ASCC3: variants seen among roughly 807,000 people sequenced by gnomAD.
The protein encoded by ASCC3 is activating signal cointegrator 1 complex subunit 3.
A neutral mutation model predicts 256.3 loss-of-function variants in ASCC3; 158 were observed. That is an observed-to-expected ratio of 0.62 (90% CI 0.54 to 0.70). The LOEUF is 0.70. Among genes scored for constraint, ASCC3 ranks in the 30% least tolerant of loss-of-function variants. ASCC3 has a pLI of 0.00. For synonymous variants in ASCC3, 948 were observed against 883.4 expected (o/e 1.07, Z -1.30); for missense variants, 2,259 against 2,626.0 (o/e 0.86, Z 3.05).
rs118041507 is a variant in ASCC3 at position 100,682,449 on chromosome 6, C to T, written c.2152-2697G>A. 4.8e-4 allele frequency among the ~76,000 whole-genome samples: 73 copies of T among 152,158 alleles called. 1 individual carries two copies. In the East Asian group the frequency reaches 7.5e-3, roughly 16 times the overall value. On this transcript the variant is annotated intron_variant, in intron 13 of 41. Transcript: ENST00000369162. ...GAAAATAGATAAGCTGTGGTCTCTT[C>T]CATTAAAAACCTGCACAATTTAAGG... is the stretch of plus-strand genomic sequence containing the variant.
intron 36 of ASCC3, among the ~76,000 whole-genome samples, chr6:100,588,423 G>T (rs1312667343): frequency 6.6e-6 from 1 of 152,084 alleles, no homozygotes; most frequent in South Asian, 2.1e-4. Context: ...CTTCCCCAGA[G>T]AAATCCTACT....
chr6:100,768,527 G>A (rs997849468), intron 8 of ASCC3, among the ~76,000 whole-genome samples: 2 of 152,030 alleles, frequency 1.3e-5, no homozygotes, highest in African/African-American at 2.4e-5. Context: ...TAATCAACAC[G>A]ATATAATAGT....
At chr6:100,800,564 T>A in intron 5 of ASCC3, 60 bp from the exon 6 acceptor site, 1 of 1,321,708 alleles carries the variant, frequency 7.6e-7, no homozygotes, top group Non-Finnish European at 1.1e-6. Context: ...TTAACCTTCA[T>A]GAAAACCATT....
chr6:100,852,633 C>T (rs1247903010), intron 3 of ASCC3, among the ~76,000 whole-genome samples: 1 of 152,130 alleles, frequency 6.6e-6, no homozygotes, highest in Non-Finnish European at 1.5e-5. Flanking sequence ...AAAGAGGAAT[C>T]AGGATTTTAA....
intron 4 of ASCC3, among the ~76,000 whole-genome samples, chr6:100,846,774 T>C (rs1168184480): frequency 1.3e-5 from 2 of 152,194 alleles, no homozygotes; most frequent in Non-Finnish European, 2.9e-5. Context: ...TGCATACTTT[T>C]GCTACCATAC....
intron 17 of ASCC3, among the ~76,000 whole-genome samples, chr6:100,654,345 T>C (rs554303530): frequency 4.4e-4 from 66 of 150,746 alleles, no homozygotes; most frequent in Non-Finnish European, 1.3e-4. Flanking sequence ...CGTATAAAGG[T>C]ACTATGTATC....
chr6:100,782,311 AAC>A (rs1582855953), intron 8 of ASCC3, among the ~76,000 whole-genome samples: 1 of 152,210 alleles, frequency 6.6e-6, no homozygotes. Context: ...ATAAGGATAA[AAC>A]AGTTTCATGA....
intron 36 of ASCC3, among the ~76,000 whole-genome samples, chr6:100,545,323 G>A (rs1042673668): frequency 2.6e-5 from 4 of 152,148 alleles, no homozygotes; most frequent in South Asian, 2.1e-4. Flanking sequence ...GACTACAGGC[G>A]TGTGCCAGCA....
chr6:100,649,743 T>C lies in ASCC3; in HGVS notation c.3252+795A>G, dbSNP rs1004495310. On this transcript the variant is annotated intron_variant, in intron 20 of 41. Coordinates refer to ENST00000369162, the MANE Select transcript of ASCC3 (RefSeq NM_006828.4). ...TTCCATATTTAAAATAAAATTAAGC[T>C]TTAATTTCTTCTTAATTTATAAAAG... Among the ~76,000 whole-genome samples, 3 of 151,566 alleles carry C rather than the reference T, an allele frequency of 2.0e-5. No individual in the cohort carries two copies. The East Asian group carries it at 5.8e-4, about 29-fold the overall frequency.
At chr6:100,825,956 C>G (rs886486556) in intron 4 of ASCC3, among the ~76,000 whole-genome samples, 1 of 151,832 alleles carries the variant, frequency 6.6e-6, no homozygotes, top group African/African-American at 2.4e-5. Flanking sequence ...TTGATCAGCA[C>G]AGATCACAAA....
intron 29 of ASCC3, 105 bp downstream of exon 29, chr6:100,627,485 G>T: frequency 1.4e-6 from 2 of 1,426,890 alleles, no homozygotes; most frequent in Non-Finnish European, 2.0e-6. Context: ...ATACGTAGAA[G>T]CTGGACCAGT....
chr6:100,681,689 T>G (rs1199121476), intron 13 of ASCC3, among the ~76,000 whole-genome samples: 1 of 120,952 alleles, frequency 8.3e-6, no homozygotes, highest in Non-Finnish European at 1.6e-5. Flanking sequence ...ATTACGCCAC[T>G]GCACTCCAGC....
chr6:100,681,725 CAAAAAA>C (rs10696130), intron 13 of ASCC3, among the ~76,000 whole-genome samples: 1 of 58,684 alleles, frequency 1.7e-5, no homozygotes, highest in Non-Finnish European at 2.9e-5. Context: ...GACTCCGTCT[CAAAAAA>C]AAAAAAAAAA....
intron 24 of ASCC3, 45 bp downstream of exon 24, chr6:100,642,536 C>T (rs1009523593): frequency 6.2e-7 from 1 of 1,600,548 alleles, no homozygotes; most frequent in African/African-American, 1.3e-5. Context: ...TTAAAACAAC[C>T]ATTTTGGAAA....
rs552043299 is a variant in ASCC3, at chr6:100,830,713, A to T, written c.801+17435T>A. 5.9e-5 allele frequency among the ~76,000 whole-genome samples: 9 copies of T among 152,360 alleles called. 1 individual carries two copies. The South Asian group carries it at 1.9e-3, about 32-fold the overall frequency. ...ATCTTTCTACTTAAGGGATTGCAAGACAACTTGCTTCACAGAAATTCAATT... is the reference window on the plus strand; with the variant it reads ...ATCTTTCTACTTAAGGGATTGCAAGTCAACTTGCTTCACAGAAATTCAATT... On this transcript the variant is annotated intron_variant, in intron 4 of 41. Coordinates refer to ENST00000369162, the MANE Select transcript of ASCC3 (RefSeq NM_006828.4).
chr6:100,592,292 A>G (rs564155216), intron 34 of ASCC3, among the ~76,000 whole-genome samples: 2 of 152,068 alleles, frequency 1.3e-5, no homozygotes, highest in East Asian at 3.9e-4. Context: ...TTTTTTCTTA[A>G]CACAGTTTTT....
At chr6:100,684,899 C>T (rs1486515835) in intron 13 of ASCC3, among the ~76,000 whole-genome samples, 3 of 151,004 alleles carry the variant, frequency 2.0e-5, no homozygotes, top group Admixed American at 6.6e-5. Flanking sequence ...CTCCGCCTCC[C>T]GGGTTGACAC....
intron 8 of ASCC3, among the ~76,000 whole-genome samples, chr6:100,773,264 C>A (rs1433443578): frequency 6.6e-6 from 1 of 152,074 alleles, no homozygotes; most frequent in Non-Finnish European, 1.5e-5. Flanking sequence ...TTATTACTAT[C>A]ATATATCATT....
At chr6:100,689,801 T>G (rs905649462) in intron 13 of ASCC3, among the ~76,000 whole-genome samples, 1 of 152,192 alleles carries the variant, frequency 6.6e-6, no homozygotes, top group Non-Finnish European at 1.5e-5. Flanking sequence ...GACCTCCCAT[T>G]GCTATTTATT....
Sources: allele counts gnomAD v4.1 joint callset (sites outside exome capture counted in the v4.1 genomes callset), GRCh38; gene constraint gnomAD v4.1.1; transcripts MANE v1.5; gene names NCBI Gene and HGNC (gene_info 2026-07-23, HGNC 2026-07-21).